ANO4: variants seen among roughly 807,000 people sequenced by gnomAD.
ANO4 encodes the protein anoctamin-4.
A neutral mutation model predicts 141.9 loss-of-function variants in ANO4; 69 were observed. The observed-to-expected ratio is 0.49, with a 90% CI of 0.40 to 0.59. The LOEUF (loss-of-function observed/expected upper bound fraction) is 0.59. Among genes scored for constraint, ANO4 ranks in the 20% least tolerant of loss-of-function variants. The pLI is 0.00. For synonymous variants in ANO4, 350 were observed against 394.3 expected, an observed-to-expected ratio of 0.89 and a Z score of 1.33; for missense variants, 894 against 1,162.2, an observed-to-expected ratio of 0.77 and a Z score of 3.36.
At chr12:100,794,309 C>T (rs1436363184), upstream of ANO4, among the ~76,000 whole-genome samples, 1 of 152,178 alleles carries the variant, frequency 6.6e-6, no homozygotes, top group African/African-American at 2.4e-5. Flanking sequence ...TGCCATCAGA[C>T]ATCATTTAGG....
At chr12:100,770,171 T>C (rs2033235869) in intron 3 of ANO4, among the ~76,000 whole-genome samples, 2 of 152,252 alleles carry the variant, frequency 1.3e-5, no homozygotes, top group Non-Finnish European at 2.9e-5. Flanking sequence ...TAGAATGTTT[T>C]AGCCAGTGTC....
intron 1 of ANO4, among the ~76,000 whole-genome samples, chr12:100,864,497 G>A (rs889725429): frequency 2.6e-5 from 4 of 152,056 alleles, no homozygotes; most frequent in African/African-American, 4.8e-5. Flanking sequence ...TAGATATGAA[G>A]TTCTCACCCC....
At chr12:100,777,631 T>C (rs1399642409) in intron 3 of ANO4, among the ~76,000 whole-genome samples, 1 of 152,154 alleles carries the variant, frequency 6.6e-6, no homozygotes, top group Non-Finnish European at 1.5e-5. Context: ...AAAAGTTGTA[T>C]ATAAAATATG....
rs371838179 is a variant in ANO4 at position 100,919,736 on chromosome 12, G to GTATCTATCTATC, written c.56-2455_56-2444dup. 2.8e-3 allele frequency among the ~76,000 whole-genome samples: 375 copies of GTATCTATCTATC among 133,134 alleles called. 1 individual carries two copies. The highest frequency in any genetic ancestry group is 3.7e-3 in the Admixed American group (48 of 12,910). The allele number at this position is 133,134 out of a possible 152,430, so 87.3% of individuals were successfully genotyped here. ...TGTATGTATGTATGTGTGTATGTAT[G>GTATCTATCTATC]TATCTATCTATCTATCTATCTATCT... On this transcript the variant is annotated intron_variant, in intron 2 of 27. Transcript: ENST00000392977.
At chr12:101,072,588 A>G (rs2048858447) in intron 14 of ANO4, among the ~76,000 whole-genome samples, 1 of 152,224 alleles carries the variant, frequency 6.6e-6, no homozygotes, top group Non-Finnish European at 1.5e-5. Flanking sequence ...AAATTGACAA[A>G]TGGGATCTAA....
chr12:100,865,725 C>T (rs2038720888), intron 1 of ANO4, among the ~76,000 whole-genome samples: 1 of 152,172 alleles, frequency 6.6e-6, no homozygotes, highest in African/African-American at 2.4e-5. Flanking sequence ...AGATGGAACA[C>T]TCAAATTAGG....
intron 1 of ANO4, among the ~76,000 whole-genome samples, chr12:100,883,757 G>C (rs1010639385): frequency 6.6e-6 from 1 of 152,174 alleles, no homozygotes; most frequent in African/African-American, 2.4e-5. Flanking sequence ...TTCAGCAGTA[G>C]GAAGCAATGT....
At chr12:100,993,839 C>A (rs1192748648) in intron 8 of ANO4, among the ~76,000 whole-genome samples, 1 of 152,120 alleles carries the variant, frequency 6.6e-6, no homozygotes. Context: ...AAAAAAGAAG[C>A]AGATTTGCCG....
At chr12:101,101,529 G>T (rs1021915169) in intron 22 of ANO4, among the ~76,000 whole-genome samples, 1 of 151,718 alleles carries the variant, frequency 6.6e-6, no homozygotes, top group East Asian at 1.9e-4. Context: ...CCCCAACTTT[G>T]TCCCCTGCTG....
intron 1 of ANO4, among the ~76,000 whole-genome samples, chr12:100,827,332 G>C (rs538339235): frequency 7.2e-5 from 11 of 152,014 alleles, no homozygotes; most frequent in African/African-American, 2.4e-4. Context: ...CATAGCTAAT[G>C]TCCTTACTTT....
At chr12:100,955,298 G>A (rs530692216) in intron 5 of ANO4, among the ~76,000 whole-genome samples, 1 of 152,336 alleles carries the variant, frequency 6.6e-6, no homozygotes, top group South Asian at 2.1e-4. Context: ...CACTACTAGT[G>A]TCTGGAGGAC....
Position 101,083,687 on chromosome 12 carries a change from C to T in ANO4, c.1405C>T (p.Arg469Ter), listed in dbSNP as rs775993661. Residue 469 changes from arginine to a stop codon, truncating the protein, a stop_gained, in exon 16 of 28, where the codon CGA becomes TGA. Transcript: ENST00000392977. LOFTEE classifies it high-confidence loss of function. The stretch of plus-strand genomic sequence containing the variant: ...TCTGCTTGTCCTTTAGGAAGAAATA[C>T]GACCCCAGTTTGAAGCCAAGTATTC... Reference protein sequence around the residue: ...IDWEEEEEEIRPQFEAKYSKK... With the variant: ...IDWEEEEEEI 3.7e-6 allele frequency: 6 copies of T among 1,605,612 alleles called. No individual in the cohort carries two copies. Among genetic ancestry groups the T allele is most frequent in the Non-Finnish European group, 5.1e-6 (6 of 1,178,024 alleles).
chr12:100,789,044 G>A (rs972197380), intron 3 of ANO4, among the ~76,000 whole-genome samples: 3 of 152,084 alleles, frequency 2.0e-5, no homozygotes, highest in Non-Finnish European at 4.4e-5. Flanking sequence ...ACAGTGATTA[G>A]GGCTTGTAGA....
At chr12:100,807,897 G>T (rs1056558696) in intron 1 of ANO4, among the ~76,000 whole-genome samples, 3 of 152,152 alleles carry the variant, frequency 2.0e-5, no homozygotes, top group Admixed American at 2.0e-4. Flanking sequence ...ACATGATCTT[G>T]TTCCTTTTTA....
chr12:100,828,811 A>C (rs535916331), intron 1 of ANO4, among the ~76,000 whole-genome samples: 2 of 152,038 alleles, frequency 1.3e-5, no homozygotes, highest in African/African-American at 4.8e-5. Flanking sequence ...TGAGGTCAGG[A>C]GTTTGAGACC....
intron 14 of ANO4, chr12:101,069,299 A>G (rs1027140882): frequency 1.3e-6 from 1 of 779,974 alleles, no homozygotes; most frequent in African/African-American, 1.7e-5. Flanking sequence ...TTGCACTTAA[A>G]TCATTACCAG....
At chr12:100,979,907 T>G (rs1322377220) in intron 7 of ANO4, among the ~76,000 whole-genome samples, 1 of 149,458 alleles carries the variant, frequency 6.7e-6, no homozygotes, top group Non-Finnish European at 1.5e-5. Context: ...TTTTTTTTTT[T>G]TTTTTTGTAT....
At chr12:100,861,379 A>G (rs1005380199) in intron 1 of ANO4, among the ~76,000 whole-genome samples, 1 of 152,216 alleles carries the variant, frequency 6.6e-6, no homozygotes, top group Non-Finnish European at 1.5e-5. Flanking sequence ...CCTGTACAGC[A>G]TGTTACTGTA....
chr12:100,733,731 A>G lies in ANO4; in HGVS notation c.23-43A>G, dbSNP rs2031487346. On this transcript the variant is annotated intron_variant, in intron 1 of 29. Coordinates refer to the ANO4 transcript ENST00000644049. Reference sequence around the variant, plus strand: ...TATTTACATTGTGGTCATGGTGTCTACTAAGTTATAATTAACCTTCTTGTC... The same window carrying G: ...TATTTACATTGTGGTCATGGTGTCTGCTAAGTTATAATTAACCTTCTTGTC... 4.4e-6 allele frequency: 3 copies of G among 689,264 alleles called. No homozygotes were observed. In the East Asian group the frequency reaches 8.1e-5, roughly 19 times the overall value. 42.7% of individuals were successfully genotyped at this position (689,264 alleles called of 1,614,324 possible).
Sources: gnomAD v4.1 joint callset for allele counts (sites outside exome capture counted in the v4.1 genomes callset) on GRCh38, gnomAD v4.1.1 for gene constraint, MANE v1.5 for transcripts, NCBI Gene and HGNC (gene_info 2026-07-23, HGNC 2026-07-21) for gene names.